LINC00305: variants seen among roughly 807,000 people sequenced by gnomAD.
LINC00305 encodes the protein long intergenic non-protein coding RNA 305.
intron 1 of LINC00305, among the ~76,000 whole-genome samples, chr18:64,123,464 G>A (rs2051370991): frequency 6.6e-6 from 1 of 151,682 alleles, no homozygotes; most frequent in Non-Finnish European, 1.5e-5. Flanking sequence ...ATGCCACCAG[G>A]CCCTCTGAAA....
intron 1 of LINC00305, among the ~76,000 whole-genome samples, chr18:64,135,027 G>A (rs1357533665): frequency 1.3e-5 from 2 of 152,158 alleles, no homozygotes; most frequent in Admixed American, 1.3e-4. Context: ...TCTGGAAACT[G>A]GAAGTCCGAA....
At chr18:64,127,474 A>T (rs1035550250) in intron 1 of LINC00305, 2 of 152,136 alleles carry the variant, frequency 1.3e-5, no homozygotes, top group African/African-American at 2.4e-5. Flanking sequence ...TAAAATCTCA[A>T]TGGCCAAGTC....
chr18:64,131,703 C>T (rs368272863), intron 1 of LINC00305, among the ~76,000 whole-genome samples: 4 of 152,210 alleles, frequency 2.6e-5, no homozygotes, highest in Non-Finnish European at 4.4e-5. Context: ...GAGGAGATGG[C>T]GGTGATTGCT....
chr18:64,148,075 G>C (rs1430003286), intron 1 of LINC00305, among the ~76,000 whole-genome samples: 1 of 152,000 alleles, frequency 6.6e-6, no homozygotes, highest in Non-Finnish European at 1.5e-5. Context: ...GGTCTTTCAA[G>C]GGACAAGGGA....
rs138622579 is a variant in LINC00305, at chr18:64,135,679, G to A, written n.314+13096C>T. On this transcript the variant is annotated intron_variant and non_coding_transcript_variant, in intron 1 of 3. Transcript: ENST00000666468. ...CAGCTCGCTGCAGCCTCCACCTCCC[G>A]GGTTCTAGTGATTCTCCTGCCTCAG... Among the ~76,000 whole-genome samples, 253 of 152,140 alleles carry A rather than the reference G, an allele frequency of 1.7e-3. 2 individuals are homozygous for A. The highest frequency in any genetic ancestry group is 5.8e-3 in the African/African-American group (241 of 41,506).
chr18:64,148,578 G>A (rs965639391), intron 1 of LINC00305, among the ~76,000 whole-genome samples: 1 of 152,080 alleles, frequency 6.6e-6, no homozygotes, highest in Non-Finnish European at 1.5e-5. Context: ...AAAGCAAGAT[G>A]GGGGGTTATC....
chr18:64,111,078 T>C (rs2051312856), intron 1 of LINC00305, among the ~76,000 whole-genome samples: 1 of 152,192 alleles, frequency 6.6e-6, no homozygotes, highest in Admixed American at 6.5e-5. Context: ...ATGGATCAAA[T>C]AAGCACTCAG....
chr18:64,099,040 T>A (rs867121174), intron 1 of LINC00305, among the ~76,000 whole-genome samples: 8 of 152,152 alleles, frequency 5.3e-5, no homozygotes, highest in South Asian at 2.1e-4. Flanking sequence ...ATTATTCAAA[T>A]CAGTAAGAGG....
intron 1 of LINC00305, among the ~76,000 whole-genome samples, chr18:64,122,503 G>A (rs1599222396): frequency 6.6e-6 from 1 of 151,940 alleles, no homozygotes; most frequent in Admixed American, 6.6e-5. Context: ...ATAAAAATGT[G>A]GCTTTATTCC....
chr18:64,119,338 G>A (rs1291091552), intron 1 of LINC00305, among the ~76,000 whole-genome samples: 2 of 152,130 alleles, frequency 1.3e-5, no homozygotes, highest in African/African-American at 4.8e-5. Context: ...TCATTTAGAA[G>A]TGATTAAATA....
chr18:64,123,762 C>A (rs1311990519), intron 1 of LINC00305, among the ~76,000 whole-genome samples: 1 of 152,050 alleles, frequency 6.6e-6, no homozygotes. Flanking sequence ...TGTTGGAAGG[C>A]AGGGCCTGGT....
chr18:64,090,357 G>A (rs1419523187), intron 3 of LINC00305, among the ~76,000 whole-genome samples: 4 of 152,142 alleles, frequency 2.6e-5, no homozygotes, highest in African/African-American at 9.7e-5. Context: ...GGCATTTTCT[G>A]AACTTACTTG....
At chr18:64,101,439 G>A (rs1476153385) in intron 1 of LINC00305, among the ~76,000 whole-genome samples, 1 of 152,088 alleles carries the variant, frequency 6.6e-6, no homozygotes, top group Admixed American at 6.6e-5. Context: ...GTGGTTGCTG[G>A]CAATTTTTAG....
intron 1 of LINC00305, among the ~76,000 whole-genome samples, chr18:64,116,186 T>A (rs1485986802): frequency 6.6e-6 from 1 of 152,148 alleles, no homozygotes; most frequent in Non-Finnish European, 1.5e-5. Context: ...CCCAAAGGAA[T>A]TTGCTTTTTG....
chr18:64,142,497 A>C lies in LINC00305; in HGVS notation n.314+6278T>G, dbSNP rs1461406838. Among the ~76,000 whole-genome samples, 4 of 152,306 alleles carry C rather than the reference A, an allele frequency of 2.6e-5. No individual in the cohort carries two copies. The East Asian group carries it at 7.7e-4, about 29-fold the overall frequency. On this transcript the variant is annotated intron_variant and non_coding_transcript_variant, in intron 1 of 3. Coordinates refer to ENST00000666468, the Ensembl canonical transcript of LINC00305. ...CAAAGTCAAAGAGGCAGTTATCCCC[A>C]CCACTTCTAAATGGGACTCTGGTGC... is the stretch of plus-strand genomic sequence containing the variant.
At chr18:64,113,470 G>C (rs1325812578) in intron 1 of LINC00305, among the ~76,000 whole-genome samples, 2 of 152,140 alleles carry the variant, frequency 1.3e-5, no homozygotes, top group Non-Finnish European at 1.5e-5. Context: ...TGCCCTCCAA[G>C]TTCCTGCCCC....
At chr18:64,144,855 G>A (rs9955123) in intron 1 of LINC00305, among the ~76,000 whole-genome samples, 124,844 of 152,098 alleles carry the variant, frequency 0.82, 51,398 homozygotes, top group Middle Eastern at 0.9. Context: ...GTAGTCAGGG[G>A]GTTTTCACAT....
intron 3 of LINC00305, among the ~76,000 whole-genome samples, chr18:64,096,769 T>C (rs1258150274): frequency 7.2e-5 from 11 of 152,030 alleles, no homozygotes; most frequent in African/African-American, 2.4e-4. Flanking sequence ...TTACAAAACG[T>C]AGTAAGTTAA....
intron 1 of LINC00305, chr18:64,127,362 A>G (rs547008425): frequency 1.3e-5 from 2 of 152,070 alleles, no homozygotes; most frequent in Non-Finnish European, 2.9e-5. Flanking sequence ...ACATGAGGTA[A>G]TTTCATTACC....
Sources: allele counts gnomAD v4.1 joint callset (sites outside exome capture counted in the v4.1 genomes callset), GRCh38; gene constraint gnomAD v4.1.1; transcripts MANE v1.5; gene names NCBI Gene and HGNC (gene_info 2026-07-23, HGNC 2026-07-21).